LPA: variants seen among roughly 807,000 people sequenced by gnomAD.
The protein encoded by LPA is apolipoprotein(a).
LPA carries 199 observed loss-of-function variants against 197.9 expected under a neutral mutation model. The ratio of observed to expected loss-of-function variants is 1.01; its 90% CI spans 0.90 to 1.13. The LOEUF (loss-of-function observed/expected upper bound fraction) is 1.13, where lower values mean the gene tolerates loss of function less well. Among genes scored for constraint, LPA ranks in the 50% most tolerant of loss-of-function variants. LPA has a pLI of 0.00. For synonymous variants in LPA, 715 were observed against 639.5 expected (o/e 1.12, Z -1.78); for missense variants, 1,853 against 1,785.8 (o/e 1.04, Z -0.68).
Position 160,548,521 on chromosome 6 carries a change from C to A in LPA, c.5112G>T (p.Pro1704=), listed in dbSNP as rs770035632. The A allele has an allele frequency of 1.1e-5, 18 of 1,613,894 alleles. No individual in the cohort carries two copies. Among genetic ancestry groups the A allele is most frequent in the Non-Finnish European group, 1.3e-5 (15 of 1,180,006 alleles). Residue 1704 remains proline, a synonymous_variant, in exon 31 of 39, where the codon CCG becomes CCT. Transcript: ENST00000316300. ...SDTEGTVVAP[P]TVIQVPSLGP... ...CTAGGCTTGGAACCTGGATGACAGT[C>A]GGAGGAGCGACCACAGTCCCTTCTG...
Position 160,599,361 on chromosome 6 carries a change from C to G in LPA, c.3287+139G>C. 6.0e-6 allele frequency: 8 copies of G among 1,339,920 alleles called. No homozygotes were observed. In the South Asian group the frequency reaches 8.4e-5, roughly 14 times the overall value. The allele number at this position is 1,339,920 out of a possible 1,614,324, so 83.0% of individuals were successfully genotyped here. On this transcript the variant is annotated intron_variant, in intron 20 of 38. Coordinates refer to ENST00000316300, the MANE Select transcript of LPA (RefSeq NM_005577.4). ...CTGTCTCAAAAAAACAAAGTCTTCT[C>G]TAAGAACTTTTGCTCACAGGAAATG...
chr6:160,540,044 T>G lies in LPA; in HGVS notation c.5734A>C (p.Arg1912=). 6.2e-7 allele frequency: 1 copy of G among 1,614,124 alleles called. No individual in the cohort carries two copies. Among genetic ancestry groups the G allele is most frequent in the South Asian group, 1.1e-5 (1 of 91,074 alleles). ...TGAAGACCACAGGTGAGCGAGTACCTGCTTAGCTTTAGCAAGGCAATATCT... is the reference window on the plus strand; with the variant it reads ...TGAAGACCACAGGTGAGCGAGTACCGGCTTAGCTTTAGCAAGGCAATATCT... The part of the protein sequence containing the change: ...QADIALLKLS[R]PAVITDKVMP... Residue 1912 remains arginine (R), a splice_region_variant and synonymous_variant, in exon 36 of 39, where the codon AGG becomes CGG. Transcript: ENST00000316300.
At position 160,585,220 on chromosome 6, in the gene LPA, G is replaced by GA; in HGVS notation, c.4130-16dup. 1.2e-6 allele frequency: 2 copies of GA among 1,613,470 alleles called. No homozygotes were observed. The highest frequency in any genetic ancestry group is 1.7e-6 in the Non-Finnish European group (2 of 1,179,616). On this transcript the variant is annotated splice_polypyrimidine_tract_variant and intron_variant, in intron 25 of 38. Coordinates refer to ENST00000316300, the MANE Select transcript of LPA (RefSeq NM_005577.4). ...TTCAGTTGGTGCTGAAATTAAAAGA[G>GA]AAAATCAAGCTCAGTATTGCCTAGA...
At chr6:160,664,100 A>G (rs1780269778) in intron 1 of LPA, 66 bp downstream of exon 1, 4 of 1,302,858 alleles carry the variant, frequency 3.1e-6, no homozygotes, top group Admixed American at 1.8e-5. Context: ...AAGCCATGGC[A>G]TATGTATTTT....
intron 2 of LPA, among the ~76,000 whole-genome samples, chr6:160,649,135 CT>C (rs1779959003): frequency 1.3e-5 from 2 of 152,100 alleles, no homozygotes; most frequent in Admixed American, 6.6e-5. Context: ...GTGGAGCTGC[CT>C]TTATTCTAAG....
intron 16 of LPA, among the ~76,000 whole-genome samples, chr6:160,609,819 A>G (rs552858226): frequency 1.3e-5 from 2 of 151,300 alleles, no homozygotes; most frequent in Non-Finnish European, 2.9e-5. Context: ...GTGTGTGTGT[A>G]TGGGTGTGTT....
chr6:160,569,237 C>T (rs1216671454), intron 28 of LPA, among the ~76,000 whole-genome samples: 1 of 152,164 alleles, frequency 6.6e-6, no homozygotes, highest in Non-Finnish European at 1.5e-5. Context: ...AACTACATTA[C>T]AAGGCTACAG....
chr6:160,606,823 T>C (rs1268582837), intron 16 of LPA, among the ~76,000 whole-genome samples, 165 bp from the exon 17 acceptor site: 1 of 152,082 alleles, frequency 6.6e-6, no homozygotes, highest in Non-Finnish European at 1.5e-5. Context: ...CAATCACTAA[T>C]CCTGTCTGCA....
chr6:160,560,203 A>C (rs569751363), intron 28 of LPA, among the ~76,000 whole-genome samples: 1 of 152,216 alleles, frequency 6.6e-6, no homozygotes, highest in African/African-American at 2.4e-5. Context: ...TGGGCATTTC[A>C]GTTGGTTCCA....
chr6:160,608,783 G>A (rs1483704220), intron 16 of LPA, among the ~76,000 whole-genome samples: 3 of 151,584 alleles, frequency 2.0e-5, no homozygotes, highest in East Asian at 1.9e-4. Flanking sequence ...TGTCTGTGAG[G>A]TTCGGTTGGT....
At chr6:160,543,856 T>A (rs142978601) in intron 33 of LPA, among the ~76,000 whole-genome samples, 1 of 152,224 alleles carries the variant, frequency 6.6e-6, no homozygotes, top group Admixed American at 6.5e-5. Context: ...TTCTCAATCA[T>A]GAGTCAAACC....
chr6:160,540,712 C>T (rs903142895), intron 35 of LPA, among the ~76,000 whole-genome samples: 3 of 152,218 alleles, frequency 2.0e-5, no homozygotes, highest in African/African-American at 7.2e-5. Context: ...CATCCTGCTT[C>T]CTGTAAAGCC....
intron 21 of LPA, 50 bp from the exon 22 acceptor site, chr6:160,594,167 A>G (rs951667453): frequency 1.2e-6 from 2 of 1,606,682 alleles, no homozygotes; most frequent in South Asian, 1.1e-5. Flanking sequence ...AGAACACAGA[A>G]GCATCAGAAG....
intron 29 of LPA, among the ~76,000 whole-genome samples, chr6:160,557,187 G>A (rs1257821559): frequency 4.0e-5 from 6 of 151,858 alleles, no homozygotes; most frequent in African/African-American, 1.5e-4. Context: ...CAAGTGCCCA[G>A]GTGGGTTTGC....
intron 30 of LPA, among the ~76,000 whole-genome samples, chr6:160,552,546 T>C (rs116095335): frequency 2.0e-5 from 3 of 152,220 alleles, no homozygotes; most frequent in African/African-American, 4.8e-5. Context: ...GATCATAGCA[T>C]GTATACAGAA....
intron 26 of LPA, among the ~76,000 whole-genome samples, chr6:160,584,575 G>A (rs760769306): frequency 2.5e-4 from 38 of 152,002 alleles, no homozygotes; most frequent in South Asian, 4.2e-4. Context: ...CTGGTGATCT[G>A]CCCGTCTTGT....
chr6:160,578,013 G>A (rs1289423393), intron 27 of LPA, among the ~76,000 whole-genome samples: 3 of 152,138 alleles, frequency 2.0e-5, no homozygotes, highest in Non-Finnish European at 2.9e-5. Context: ...GATAGGCCAG[G>A]GAGAGACAGC....
rs1454405662 is a variant in LPA at position 160,596,221 on chromosome 6, C to A, written c.3288-686G>T. 2.0e-5 allele frequency among the ~76,000 whole-genome samples: 3 copies of A among 152,244 alleles called. No homozygotes were observed. The East Asian group carries it at 5.8e-4, about 29-fold the overall frequency. ...TACTCCAGATGGTGATGGTTGTGCA[C>A]CCTCATTGGTCTGTCATTTGTTTAG... On this transcript the variant is annotated intron_variant, in intron 20 of 38. Coordinates refer to ENST00000316300, the MANE Select transcript of LPA (RefSeq NM_005577.4).
intron 28 of LPA, among the ~76,000 whole-genome samples, chr6:160,565,268 C>T (rs576360022): frequency 6.6e-6 from 1 of 152,212 alleles, no homozygotes; most frequent in Admixed American, 6.5e-5. Context: ...TGGGGGACAC[C>T]TCCCAGTAGG....
Sources: allele counts gnomAD v4.1 joint callset (sites outside exome capture counted in the v4.1 genomes callset), GRCh38; gene constraint gnomAD v4.1.1; transcripts MANE v1.5; gene names NCBI Gene and HGNC (gene_info 2026-07-23, HGNC 2026-07-21).